Variants in NLGN1 observed in about 807,000 individuals in gnomAD.
NLGN1 encodes neuroligin-1.
NLGN1 carries 12 observed loss-of-function variants against 65.5 expected under a neutral mutation model. The observed-to-expected ratio is 0.18, with a 90% CI of 0.12 to 0.30. The LOEUF is 0.30. Ranked by LOEUF, NLGN1 falls within the 10% of genes least tolerant of loss-of-function variation. The probability of loss-of-function intolerance (pLI) is 1.00; values close to 1 mark genes in which losing one functional copy is unlikely to be tolerated. For synonymous variants in NLGN1, 350 were observed against 359.5 expected, an observed-to-expected ratio of 0.97 and a Z score of 0.30; for missense variants, 750 against 1,007.1, an observed-to-expected ratio of 0.74 and a Z score of 3.46.
At chr3:173,649,340 ATTAC>A (rs1758771643) in intron 3 of NLGN1, among the ~76,000 whole-genome samples, 1 of 152,134 alleles carries the variant, frequency 6.6e-6, no homozygotes, top group Non-Finnish European at 1.5e-5. Context: ...ACATGTAACT[ATTAC>A]ATGTTACAAG....
At chr3:174,031,430 T>G (rs188856355) in intron 4 of NLGN1, among the ~76,000 whole-genome samples, 1 of 152,240 alleles carries the variant, frequency 6.6e-6, no homozygotes, top group East Asian at 1.9e-4. Flanking sequence ...AAAATGCCAA[T>G]GATCAACAGA....
intron 4 of NLGN1, among the ~76,000 whole-genome samples, chr3:174,201,340 G>GAGGA (rs775766028): frequency 1.5e-5 from 2 of 132,660 alleles, no homozygotes; most frequent in Non-Finnish European, 3.2e-5. Context: ...GGGAAGGTGG[G>GAGGA]AGGAATGAAG....
intron 4 of NLGN1, among the ~76,000 whole-genome samples, chr3:174,212,304 A>T (rs1305091243): frequency 6.6e-6 from 1 of 152,164 alleles, no homozygotes; most frequent in Non-Finnish European, 1.5e-5. Flanking sequence ...CCGGAACTCC[A>T]GCTGGCCCGC....
intron 3 of NLGN1, among the ~76,000 whole-genome samples, chr3:173,741,863 C>A (rs1679352423): frequency 1.3e-5 from 2 of 152,046 alleles, no homozygotes; most frequent in South Asian, 4.1e-4. Flanking sequence ...GTTACAAAGA[C>A]TGAGAAAACG....
intron 3 of NLGN1, among the ~76,000 whole-genome samples, chr3:173,629,313 G>C (rs981488508): frequency 2.6e-5 from 4 of 151,476 alleles, no homozygotes; most frequent in African/African-American, 4.8e-5. Context: ...TGGGGGCCTT[G>C]CTATGTTGCC....
intron 3 of NLGN1, among the ~76,000 whole-genome samples, chr3:173,704,628 A>T (rs984050690): frequency 2.6e-4 from 39 of 152,154 alleles, no homozygotes; most frequent in African/African-American, 9.4e-4. Flanking sequence ...AATTGGCTGG[A>T]TTATTTTGGT....
At chr3:174,064,304 T>G (rs1372450590) in intron 4 of NLGN1, among the ~76,000 whole-genome samples, 1 of 152,110 alleles carries the variant, frequency 6.6e-6, no homozygotes, top group African/African-American at 2.4e-5. Context: ...TGGTGAATTA[T>G]TAATTATTAA....
chr3:173,618,994 C>A (rs1502481), intron 3 of NLGN1, among the ~76,000 whole-genome samples: 138,833 of 152,188 alleles, frequency 0.91, 63,452 homozygotes, highest in South Asian at 0.97. Flanking sequence ...ATGGCCTCAC[C>A]CTTGGTTAAA....
intron 3 of NLGN1, among the ~76,000 whole-genome samples, chr3:173,657,504 T>C (rs1429205344): frequency 6.6e-6 from 1 of 151,914 alleles, no homozygotes; most frequent in South Asian, 2.1e-4. Flanking sequence ...TTTCAGAAAT[T>C]ATTTGCAGTC....
intron 4 of NLGN1, among the ~76,000 whole-genome samples, chr3:174,124,032 C>T (rs1370478070): frequency 5.3e-5 from 8 of 151,864 alleles, no homozygotes; most frequent in African/African-American, 7.3e-5. Flanking sequence ...GTCATAAGGG[C>T]GGGGCCTTAC....
At chr3:174,138,472 T>A (rs1215776685) in intron 4 of NLGN1, among the ~76,000 whole-genome samples, 1 of 148,470 alleles carries the variant, frequency 6.7e-6, no homozygotes, top group Non-Finnish European at 1.5e-5. Context: ...TGTCGCTCCG[T>A]CGCCGAGGCT....
At chr3:173,912,717 GA>G (rs1188438288) in intron 4 of NLGN1, 1 of 152,066 alleles carries the variant, frequency 6.6e-6, no homozygotes, top group East Asian at 1.9e-4. Context: ...GAAAAAACGT[GA>G]CTATGGGAGA....
intron 4 of NLGN1, among the ~76,000 whole-genome samples, chr3:174,139,108 T>C (rs1721800535): frequency 6.6e-6 from 1 of 152,272 alleles, no homozygotes; most frequent in African/African-American, 2.4e-5. Context: ...GTGATGATAA[T>C]TGACACATCT....
At chr3:174,142,784 CAT>C in intron 4 of NLGN1, among the ~76,000 whole-genome samples, 1 of 152,296 alleles carries the variant, frequency 6.6e-6, no homozygotes, top group East Asian at 1.9e-4. Context: ...GGTACAAAGA[CAT>C]ATGCATTTAT....
chr3:173,616,735 T>G (rs1446603317), intron 3 of NLGN1, among the ~76,000 whole-genome samples: 1 of 152,162 alleles, frequency 6.6e-6, no homozygotes, highest in Non-Finnish European at 1.5e-5. Flanking sequence ...ATTTCTTGCC[T>G]CAACCACTGT....
intron 4 of NLGN1, among the ~76,000 whole-genome samples, chr3:174,147,027 A>G (rs1052950292): frequency 6.6e-6 from 1 of 152,204 alleles, no homozygotes. Context: ...TTTGAAGCAG[A>G]ATGGAAAACT....
chr3:174,221,274 G>A (rs1045114448), intron 4 of NLGN1, among the ~76,000 whole-genome samples: 2 of 152,066 alleles, frequency 1.3e-5, no homozygotes, highest in Non-Finnish European at 2.9e-5. Flanking sequence ...GGAAGCAGGC[G>A]ACACTTTAGC....
At chr3:174,196,074 A>G (rs1733357558) in intron 4 of NLGN1, among the ~76,000 whole-genome samples, 1 of 152,194 alleles carries the variant, frequency 6.6e-6, no homozygotes, top group Non-Finnish European at 1.5e-5. Flanking sequence ...GACAGACTAT[A>G]TTTTAGAAGA....
At chr3:173,558,978 T>A (rs142822545) in intron 2 of NLGN1, among the ~76,000 whole-genome samples, 1 of 152,132 alleles carries the variant, frequency 6.6e-6, no homozygotes, top group Non-Finnish European at 1.5e-5. Flanking sequence ...GGTCAGAATT[T>A]TTTTGGTTGA....
Sources: gnomAD v4.1 joint callset for allele counts (sites outside exome capture counted in the v4.1 genomes callset) on GRCh38, gnomAD v4.1.1 for gene constraint, MANE v1.5 for transcripts, NCBI Gene and HGNC (gene_info 2026-07-23, HGNC 2026-07-21) for gene names.